The following SIPA1L3 variants were observed in gnomAD, a reference collection of about 807,000 sequenced individuals.
SIPA1L3 encodes the protein signal induced proliferation associated 1 like 3.
In SIPA1L3, 59 loss-of-function variants were observed where a neutral mutation model predicts 150.1. That is an observed-to-expected ratio of 0.39 (90% confidence interval 0.32 to 0.49). The LOEUF (loss-of-function observed/expected upper bound fraction) is 0.49. Among genes scored for constraint, SIPA1L3 ranks in the 20% least tolerant of loss-of-function variants. The pLI, the probability that SIPA1L3 is intolerant of heterozygous loss-of-function variation, is 0.86. For synonymous variants in SIPA1L3, 1,070 were observed against 1,077.6 expected (o/e 0.99, Z 0.14); for missense variants, 2,211 against 2,489.5 (o/e 0.89, Z 2.38).
At chr19:38,017,448 A>T (rs919291508) in intron 1 of SIPA1L3, among the ~76,000 whole-genome samples, 1 of 151,502 alleles carries the variant, frequency 6.6e-6, no homozygotes, top group Non-Finnish European at 1.5e-5. Context: ...GCCTAAACAA[A>T]TCTTCACCAG....
At chr19:37,985,804 G>T (rs903462539) in intron 1 of SIPA1L3, among the ~76,000 whole-genome samples, 7 of 152,170 alleles carry the variant, frequency 4.6e-5, no homozygotes, top group Non-Finnish European at 8.8e-5. Flanking sequence ...CAGAGGCCGG[G>T]CCCCTCCCTG....
intron 21 of SIPA1L3, 49 bp downstream of exon 21, chr19:38,204,257 C>A (rs76536425): frequency 6.8e-7 from 1 of 1,475,128 alleles, no homozygotes; most frequent in Non-Finnish European, 9.2e-7. Context: ...AGACACTGGG[C>A]AGGGCAGTCA....
At chr19:38,057,813 ATTTTTTT>A (rs952530174) in intron 2 of SIPA1L3, among the ~76,000 whole-genome samples, 2 of 148,054 alleles carry the variant, frequency 1.4e-5, no homozygotes, top group African/African-American at 4.9e-5. Flanking sequence ...CACCTGGCTA[ATTTTTTT>A]TTATTTTTTA....
intron 1 of SIPA1L3, among the ~76,000 whole-genome samples, chr19:38,018,554 C>T (rs1261133925): frequency 6.6e-6 from 1 of 152,162 alleles, no homozygotes; most frequent in Non-Finnish European, 1.5e-5. Context: ...CACTCAACAT[C>T]ATGTTTTCAT....
intron 6 of SIPA1L3, among the ~76,000 whole-genome samples, chr19:38,105,473 G>A (rs1970602135): frequency 6.6e-6 from 1 of 152,116 alleles, no homozygotes; most frequent in Admixed American, 6.5e-5. Flanking sequence ...CCATGCCTCA[G>A]TTTCCCACTC....
At chr19:38,158,206 C>G (rs927526570) in intron 13 of SIPA1L3, among the ~76,000 whole-genome samples, 1 of 152,058 alleles carries the variant, frequency 6.6e-6, no homozygotes, top group African/African-American at 2.4e-5. Context: ...GCACTCCAGC[C>G]TGGGCAACAG....
intron 2 of SIPA1L3, among the ~76,000 whole-genome samples, chr19:38,080,843 T>C (rs1969961181): frequency 6.6e-6 from 1 of 151,906 alleles, no homozygotes; most frequent in African/African-American, 2.4e-5. Flanking sequence ...TGGTAGCACA[T>C]GCTGGAATTC....
intron 2 of SIPA1L3, among the ~76,000 whole-genome samples, chr19:38,030,949 C>T (rs565847290): frequency 4.1e-4 from 62 of 152,136 alleles, no homozygotes; most frequent in African/African-American, 1.4e-3. Flanking sequence ...GTAGCCGTGT[C>T]GGCCAAGCTG....
intron 2 of SIPA1L3, among the ~76,000 whole-genome samples, chr19:38,060,128 T>C (rs1366825741): frequency 6.6e-6 from 1 of 152,230 alleles, no homozygotes; most frequent in Non-Finnish European, 1.5e-5. Context: ...CACCATTTCC[T>C]GGCATTGTGA....
At chr19:38,172,725 T>C (rs1972354546) in intron 15 of SIPA1L3, among the ~76,000 whole-genome samples, 2 of 152,066 alleles carry the variant, frequency 1.3e-5, no homozygotes, top group African/African-American at 2.4e-5. Context: ...AGCGGGCATA[T>C]TGACCAAAGT....
At chr19:37,922,709 T>C (rs2046467615) in intron 1 of SIPA1L3, among the ~76,000 whole-genome samples, 1 of 151,864 alleles carries the variant, frequency 6.6e-6, no homozygotes, top group South Asian at 2.1e-4. Context: ...TTTAAACTTA[T>C]CAAGTCCTCA....
chr19:38,071,606 A>G (rs1279683125), intron 2 of SIPA1L3, among the ~76,000 whole-genome samples: 6 of 152,160 alleles, frequency 3.9e-5, no homozygotes, highest in Non-Finnish European at 1.5e-5. Flanking sequence ...TATTTAGAAA[A>G]GAATTTTTTT....
intron 7 of SIPA1L3, among the ~76,000 whole-genome samples, chr19:38,108,222 A>G (rs1396728896): frequency 6.6e-6 from 1 of 152,174 alleles, no homozygotes; most frequent in Non-Finnish European, 1.5e-5. Flanking sequence ...GGAGGGGCGC[A>G]GAGAGCAGTG....
intron 1 of SIPA1L3, among the ~76,000 whole-genome samples, chr19:37,923,082 A>G (rs1462747756): frequency 1.3e-5 from 2 of 151,386 alleles, no homozygotes; most frequent in African/African-American, 4.9e-5. Flanking sequence ...GCTTACAGTG[A>G]GCCGAGATCG....
At chr19:38,117,992 G>A (rs1027456890) in intron 8 of SIPA1L3, among the ~76,000 whole-genome samples, 1 of 152,064 alleles carries the variant, frequency 6.6e-6, no homozygotes, top group Non-Finnish European at 1.5e-5. Context: ...ATCAGATTTT[G>A]ATAGCGCCTC....
intron 13 of SIPA1L3, among the ~76,000 whole-genome samples, chr19:38,153,721 G>A (rs1435041650): frequency 1.3e-5 from 2 of 148,584 alleles, no homozygotes; most frequent in Admixed American, 6.8e-5. Flanking sequence ...ATAATTTGAG[G>A]TCAGGAATTC....
chr19:37,931,017 G>A (rs1159798998), intron 1 of SIPA1L3, among the ~76,000 whole-genome samples: 1 of 152,132 alleles, frequency 6.6e-6, no homozygotes, highest in Non-Finnish European at 1.5e-5. Context: ...TTACATTTGT[G>A]TGTGTGGATG....
chr19:38,049,454 T>C (rs1245106853), intron 2 of SIPA1L3, among the ~76,000 whole-genome samples: 1 of 152,176 alleles, frequency 6.6e-6, no homozygotes, highest in Non-Finnish European at 1.5e-5. Flanking sequence ...AGCTGAACAG[T>C]TGTACATGCT....
intron 1 of SIPA1L3, among the ~76,000 whole-genome samples, chr19:37,927,794 A>C (rs894242308): frequency 2.0e-5 from 3 of 151,822 alleles, no homozygotes; most frequent in Non-Finnish European, 2.9e-5. Context: ...AGAACATTGG[A>C]TATTTGGTTT....
Sources: allele counts gnomAD v4.1 joint callset (sites outside exome capture counted in the v4.1 genomes callset), GRCh38; gene constraint gnomAD v4.1.1; transcripts MANE v1.5; gene names NCBI Gene and HGNC (gene_info 2026-07-23, HGNC 2026-07-21).